FGF14: variants seen among roughly 807,000 people sequenced by gnomAD.
FGF14 encodes fibroblast growth factor homologous factor 4.
FGF14 carries 5 observed loss-of-function variants against 25.5 expected under a neutral mutation model. That is an observed-to-expected ratio of 0.20 (90% CI 0.10 to 0.41). FGF14 has a LOEUF of 0.41. Ranked by LOEUF, FGF14 falls within the 10% of genes least tolerant of loss-of-function variation. The pLI is 1.00. For missense variants in FGF14, 222 were observed against 320.1 expected, an observed-to-expected ratio of 0.69 and a Z score of 2.34; for synonymous variants, 138 against 118.3, an observed-to-expected ratio of 1.17 and a Z score of -1.08.
At chr13:102,106,515 C>A (rs759507968) in intron 1 of FGF14, among the ~76,000 whole-genome samples, 21 of 132,476 alleles carry the variant, frequency 1.6e-4, no homozygotes, top group Non-Finnish European at 2.5e-4. Context: ...GCGGAGGTTG[C>A]AGTGAGCCAA....
rs538843431 is a variant in FGF14 at position 101,911,731 on chromosome 13, A to C, written c.193+4722T>G. The stretch of plus-strand genomic sequence containing the variant: ...AAAACTCAACATTTTAATTTAGAAG[A>C]CCATAATTTGATCTAACCTTAATAC... On this transcript the variant is annotated intron_variant, in intron 1 of 4. Coordinates refer to ENST00000376143, the MANE Select transcript of FGF14 (RefSeq NM_004115.4). Among the ~76,000 whole-genome samples, 44 of 152,302 alleles carry C rather than the reference A, an allele frequency of 2.9e-4. 1 individual carries two copies. The East Asian group carries it at 8.5e-3, about 29-fold the overall frequency.
intron 1 of FGF14, among the ~76,000 whole-genome samples, chr13:102,052,032 CA>C (rs1277350112): frequency 6.6e-6 from 1 of 151,718 alleles, no homozygotes; most frequent in African/African-American, 2.4e-5. Flanking sequence ...AATGAATTAC[CA>C]ACACAAAAAG....
In FGF14 at chr13:101,718,863, AAG is replaced by A. The variant is rs1214793061; in HGVS notation, c.*3966_*3967del. 2 of 151,980 alleles carry A rather than the reference AAG, an allele frequency of 1.3e-5. No individual in the cohort carries two copies. The highest frequency in any genetic ancestry group is 1.3e-4 in the Admixed American group (2 of 15,230). The allele number at this position is 151,980 out of a possible 1,614,324, so 9.4% of individuals were successfully genotyped here. A position where few individuals can be genotyped will look rare whatever the true frequency, so the allele number is the denominator to read the frequency against. On this transcript the variant is annotated 3_prime_UTR_variant, in exon 5 of 5. Coordinates refer to ENST00000376143, the MANE Select transcript of FGF14 (RefSeq NM_004115.4). ...CACTTTGAAACCCTACTCCATATTC[AAG>A]AGAGTCAACAGGCCCTATGTCACAT...
chr13:101,966,416 G>A (rs1466845461), intron 1 of FGF14, among the ~76,000 whole-genome samples: 2 of 152,176 alleles, frequency 1.3e-5, no homozygotes, highest in African/African-American at 2.4e-5. Context: ...GCATGGTTCT[G>A]CAGAAACCTT....
At chr13:101,894,799 G>A (rs925777874) in intron 1 of FGF14, among the ~76,000 whole-genome samples, 2 of 152,164 alleles carry the variant, frequency 1.3e-5, no homozygotes, top group Admixed American at 6.6e-5. Context: ...AATGGTGTCA[G>A]TAATTGAAAC....
chr13:102,047,379 G>A (rs2042030393), intron 1 of FGF14, among the ~76,000 whole-genome samples: 1 of 151,964 alleles, frequency 6.6e-6, no homozygotes, highest in Admixed American at 6.6e-5. Context: ...TGCTCTTGAG[G>A]GAGATTTAGC....
intron 1 of FGF14, among the ~76,000 whole-genome samples, chr13:101,895,239 C>G (rs1196703438): frequency 2.0e-5 from 3 of 152,036 alleles, no homozygotes; most frequent in African/African-American, 7.2e-5. Context: ...GATCATTTTA[C>G]AAGGTATATT....
chr13:102,003,929 G>A (rs968679187), intron 1 of FGF14, among the ~76,000 whole-genome samples: 2 of 152,054 alleles, frequency 1.3e-5, no homozygotes, highest in African/African-American at 4.8e-5. Context: ...AGAAATCCCG[G>A]CTTTTCAACT....
At chr13:102,102,095 C>G (rs1050000869) in intron 1 of FGF14, among the ~76,000 whole-genome samples, 1 of 152,184 alleles carries the variant, frequency 6.6e-6, no homozygotes, top group African/African-American at 2.4e-5. Flanking sequence ...AAGACAAACT[C>G]TAATGAAAAC....
intron 1 of FGF14, among the ~76,000 whole-genome samples, chr13:102,170,765 C>T (rs1014684085): frequency 6.6e-6 from 1 of 152,158 alleles, no homozygotes; most frequent in African/African-American, 2.4e-5. Flanking sequence ...AAGGTAAACC[C>T]TTTTCATGGC....
intron 1 of FGF14, among the ~76,000 whole-genome samples, chr13:101,941,528 T>C (rs7995533): frequency 0.11 from 16,806 of 152,218 alleles, 1,047 homozygotes; most frequent in East Asian, 0.2. Context: ...CAAACTGTCC[T>C]GAGTTGCAGC....
intron 3 of FGF14, among the ~76,000 whole-genome samples, chr13:101,827,891 C>G (rs2042466575): frequency 7.1e-6 from 1 of 141,122 alleles, no homozygotes. Context: ...TGAATTTAAG[C>G]AAATCGTCTT....
At chr13:101,748,539 C>A (rs1344538849) in intron 3 of FGF14, among the ~76,000 whole-genome samples, 1 of 151,240 alleles carries the variant, frequency 6.6e-6, no homozygotes, top group Admixed American at 6.6e-5. Flanking sequence ...ACAACGTACA[C>A]TAAAAGCCCA....
chr13:102,043,129 C>A (rs1445112282), intron 1 of FGF14, among the ~76,000 whole-genome samples: 1 of 152,208 alleles, frequency 6.6e-6, no homozygotes, highest in East Asian at 1.9e-4. Flanking sequence ...TAATGTCTTA[C>A]ATTGCTCTTT....
intron 1 of FGF14, among the ~76,000 whole-genome samples, chr13:102,275,390 T>C (rs1436425548): frequency 6.6e-6 from 1 of 152,076 alleles, no homozygotes; most frequent in Non-Finnish European, 1.5e-5. Context: ...TCATAACATC[T>C]GGACAAGGGG....
chr13:102,007,624 G>A (rs2039874958), intron 1 of FGF14, among the ~76,000 whole-genome samples: 1 of 152,144 alleles, frequency 6.6e-6, no homozygotes, highest in Non-Finnish European at 1.5e-5. Context: ...CCATCTCTTT[G>A]TCAAGTGATG....
intron 1 of FGF14, among the ~76,000 whole-genome samples, chr13:102,379,529 C>A (rs1566974622): frequency 6.6e-6 from 1 of 150,576 alleles, no homozygotes; most frequent in Non-Finnish European, 1.5e-5. Context: ...TATATATATA[C>A]ATACACACAA....
At chr13:102,194,621 C>G (rs1310514424) in intron 1 of FGF14, among the ~76,000 whole-genome samples, 2 of 152,044 alleles carry the variant, frequency 1.3e-5, no homozygotes, top group Non-Finnish European at 2.9e-5. Context: ...GTGATGCTAT[C>G]AAGTGTACCA....
rs1279758594 is a variant in FGF14 at position 102,244,621 on chromosome 13, G to A, written c.208+156850C>T. 3.9e-5 allele frequency among the ~76,000 whole-genome samples: 6 copies of A among 152,090 alleles called. No individual in the cohort carries two copies. The South Asian group carries it at 1.2e-3, about 32-fold the overall frequency. On this transcript the variant is annotated intron_variant, in intron 1 of 4. Transcript: ENST00000376131. The stretch of plus-strand genomic sequence containing the variant: ...GGTTTTTCATGTCATTGCATACAAT[G>A]AGCTGAATATTTTAATCAGGTGAAG...
Sources: allele counts gnomAD v4.1 joint callset (sites outside exome capture counted in the v4.1 genomes callset), GRCh38; gene constraint gnomAD v4.1.1; transcripts MANE v1.5; gene names NCBI Gene and HGNC (gene_info 2026-07-23, HGNC 2026-07-21).